PCDHGA8: variants seen among roughly 807,000 people sequenced by gnomAD.
The protein encoded by PCDHGA8 is protocadherin gamma-A8.
Under a neutral mutation model 59.2 loss-of-function variants are expected in PCDHGA8, and 45 were observed. That is an observed-to-expected ratio of 0.76 (90% CI 0.60 to 0.98). The LOEUF (loss-of-function observed/expected upper bound fraction) is 0.98. Among genes scored for constraint, PCDHGA8 ranks in the 50% least tolerant of loss-of-function variants. The pLI, the probability that PCDHGA8 is intolerant of heterozygous loss-of-function variation, is 0.00. For missense variants in PCDHGA8, 1,257 were observed against 1,196.2 expected (o/e 1.05, Z -0.75); for synonymous variants, 531 against 519.0 (o/e 1.02, Z -0.32).
At chr5:141,419,464 C>T (rs199965876) in intron 1 of PCDHGA8, 35 of 1,612,542 alleles carry the variant, frequency 2.2e-5, no homozygotes, top group Middle Eastern at 1.7e-4. Context: ...TGCAGGCCCG[C>T]GACCAGGGCT....
intron 1 of PCDHGA8, chr5:141,419,370 A>G (rs1460064670): frequency 1.9e-6 from 3 of 1,613,574 alleles, no homozygotes; most frequent in African/African-American, 2.7e-5. Context: ...CTGTCGTCCT[A>G]CGTGTCCGTG....
intron 1 of PCDHGA8, chr5:141,415,051 C>G: frequency 6.2e-7 from 1 of 1,613,458 alleles, no homozygotes; most frequent in Non-Finnish European, 8.5e-7. Context: ...GGTGGGGGAG[C>G]ACACGGGCGA....
chr5:141,411,868 A>AG (rs1463496640), intron 1 of PCDHGA8: 1 of 152,224 alleles, frequency 6.6e-6, no homozygotes, highest in East Asian at 1.9e-4. Flanking sequence ...TCAAAAAAAA[A>AG]AGACATTTCT....
rs1254986724 is a variant in PCDHGA8, at chr5:141,490,928, C to G, written c.2425-3879C>G. ...CTAGACGAGAATGATAATGCCCCAGCTGTGCTGCACCCACGGCCAGACTGG... is the reference window on the plus strand; with the variant it reads ...CTAGACGAGAATGATAATGCCCCAGGTGTGCTGCACCCACGGCCAGACTGG... On this transcript the variant is annotated intron_variant, in intron 1 of 3. Transcript: ENST00000398604. The surrounding 1 kb of genome is among the most constrained non-coding windows in gnomAD (Gnocchi z 5.4). 2 of 1,613,466 alleles carry G rather than the reference C, an allele frequency of 1.2e-6. No homozygotes were observed. Among genetic ancestry groups the G allele is most frequent in the Non-Finnish European group, 1.7e-6 (2 of 1,179,624 alleles).
intron 1 of PCDHGA8, among the ~76,000 whole-genome samples, chr5:141,462,086 A>C (rs993185274): frequency 6.6e-6 from 1 of 151,410 alleles, no homozygotes; most frequent in Non-Finnish European, 1.5e-5. Flanking sequence ...GCCTCCCAAA[A>C]TGCTGGGATT....
chr5:141,461,667 G>C (rs1337688159), intron 1 of PCDHGA8, among the ~76,000 whole-genome samples: 4 of 151,994 alleles, frequency 2.6e-5, no homozygotes, highest in African/African-American at 9.7e-5. Context: ...TTTAAAGTTT[G>C]TTATTTTGTT....
Position 141,491,984 on chromosome 5 carries a change from C to G in PCDHGA8, c.2425-2823C>G. 1.4e-6 allele frequency: 1 copy of G among 734,256 alleles called. No homozygotes were observed. The highest frequency in any genetic ancestry group is 3.2e-5 in the East Asian group (1 of 31,678). The allele number at this position is 734,256 out of a possible 1,614,324, so 45.5% of individuals were successfully genotyped here. ...AAGGCCGGGGCCTCCTTCGAGCTTC[C>G]GGTGAATTTCGGGCGATTTCCGCGG... On this transcript the variant is annotated intron_variant, in intron 1 of 3. Coordinates refer to ENST00000398604, the MANE Select transcript of PCDHGA8 (RefSeq NM_032088.2). The surrounding 1 kb of genome is among the most constrained non-coding windows in gnomAD (Gnocchi z 6.9).
At chr5:141,448,984 A>C (rs2098621334) in intron 1 of PCDHGA8, among the ~76,000 whole-genome samples, 1 of 152,086 alleles carries the variant, frequency 6.6e-6, no homozygotes, top group Non-Finnish European at 1.5e-5. Context: ...CTTCCATATT[A>C]ATATATAGAA....
intron 1 of PCDHGA8, among the ~76,000 whole-genome samples, chr5:141,446,545 C>T (rs903831454): frequency 4.6e-5 from 7 of 151,914 alleles, no homozygotes; most frequent in African/African-American, 1.7e-4. Context: ...GGCCCTATCT[C>T]TGCTCACTGC....
intron 1 of PCDHGA8, among the ~76,000 whole-genome samples, chr5:141,468,914 G>A (rs563780068): frequency 2.6e-5 from 4 of 151,700 alleles, no homozygotes; most frequent in Admixed American, 2.6e-4. Context: ...CAGACTAGAA[G>A]AGAATAGCAC....
rs200464357 is a variant in PCDHGA8 at position 141,489,983 on chromosome 5, G to A, written c.2425-4824G>A. 4.5e-5 allele frequency: 73 copies of A among 1,614,172 alleles called. No homozygotes were observed. Among genetic ancestry groups the A allele is most frequent in the Middle Eastern group, 3.3e-4 (2 of 6,062 alleles). ...CCAACCTTCCAATCCTCAGTTCTAC[G>A]TGTGGGAATCCCAGAGAATGCACCC... On this transcript the variant is annotated intron_variant, in intron 1 of 3. Coordinates refer to ENST00000398604, the MANE Select transcript of PCDHGA8 (RefSeq NM_032088.2). This position sits in a 1 kb window ranked among gnomAD's most constrained non-coding sequence, Gnocchi z 4.5.
chr5:141,422,472 G>A lies in PCDHGA8; in HGVS notation c.2424+27235G>A, dbSNP rs772474296. On this transcript the variant is annotated intron_variant, in intron 1 of 3. Transcript: ENST00000398604. ...CAAGCAGAGTGCTGGACAGGGAGTTGGTCCAGAGCTACAATATAACGTTGA... is the reference window on the plus strand; with the variant it reads ...CAAGCAGAGTGCTGGACAGGGAGTTAGTCCAGAGCTACAATATAACGTTGA... 75 of 1,613,562 alleles carry A rather than the reference G, an allele frequency of 4.6e-5. 3 individuals are homozygous for A. In the South Asian group the frequency reaches 8.1e-4, roughly 17 times the overall value.
chr5:141,407,497 G>GTTTTTTTTTTTTTTTTTTTTTTTTT (rs1554102286), intron 1 of PCDHGA8, among the ~76,000 whole-genome samples: 1 of 151,974 alleles, frequency 6.6e-6, no homozygotes, highest in African/African-American at 2.4e-5. Context: ...CTTTATTTCT[G>GTTTTTTTTTTTTTTTTTTTTTTTTT]TTTTTCTTAG....
At chr5:141,438,091 C>T (rs964466012) in intron 1 of PCDHGA8, among the ~76,000 whole-genome samples, 1 of 152,098 alleles carries the variant, frequency 6.6e-6, no homozygotes, top group Admixed American at 6.6e-5. Flanking sequence ...TTACCAGTAA[C>T]AGGGCATACT....
intron 1 of PCDHGA8, among the ~76,000 whole-genome samples, chr5:141,460,764 G>A (rs2098996981): frequency 6.6e-6 from 1 of 150,516 alleles, no homozygotes; most frequent in Admixed American, 6.7e-5. Flanking sequence ...TATACATATT[G>A]CATATGTATG....
At chr5:141,415,366 G>T in intron 1 of PCDHGA8, 1 of 1,614,252 alleles carries the variant, frequency 6.2e-7, no homozygotes, top group South Asian at 1.1e-5. Flanking sequence ...CCTGCTGCAG[G>T]CTTCAGGAGG....
At chr5:141,420,887 G>C (rs2096530920) in intron 1 of PCDHGA8, among the ~76,000 whole-genome samples, 1 of 152,204 alleles carries the variant, frequency 6.6e-6, no homozygotes, top group African/African-American at 2.4e-5. Context: ...GTGTATCATC[G>C]TTTTTAAGCT....
intron 2 of PCDHGA8, among the ~76,000 whole-genome samples, chr5:141,501,966 C>A (rs1046026111): frequency 1.3e-5 from 2 of 152,118 alleles, no homozygotes; most frequent in African/African-American, 4.8e-5. Context: ...ATCCTCCTAA[C>A]CTCTGGCATC....
chr5:141,409,183 C>G (rs1217234895), intron 1 of PCDHGA8: 6 of 1,614,028 alleles, frequency 3.7e-6, no homozygotes, highest in Non-Finnish European at 5.1e-6. Context: ...GAGGTGGTCT[C>G]TCTACCCAGT....
Sources: gnomAD v4.1 joint callset for allele counts (sites outside exome capture counted in the v4.1 genomes callset) on GRCh38, gnomAD v4.1.1 for gene constraint, Gnocchi (gnomAD v3.1) non-coding constraint, MANE v1.5 for transcripts, NCBI Gene and HGNC (gene_info 2026-07-23, HGNC 2026-07-21) for gene names.